C10orf90: variants seen among roughly 807,000 people sequenced by gnomAD.
C10orf90 encodes chromosome 10 open reading frame 90, also known as (E2-independent) E3 ubiquitin-conjugating enzyme FATS.
A neutral mutation model predicts 62.5 loss-of-function variants in C10orf90; 56 were observed. The ratio of observed to expected loss-of-function variants is 0.90; its 90% CI spans 0.72 to 1.12. C10orf90 has a LOEUF of 1.12. C10orf90 is among the 50% of genes most tolerant of loss of function. C10orf90 has a pLI of 0.00. For missense variants in C10orf90, 970 were observed against 880.4 expected, an observed-to-expected ratio of 1.10 and a Z score of -1.29; for synonymous variants, 386 against 340.4, an observed-to-expected ratio of 1.13 and a Z score of -1.47.
At chr10:126,454,317 C>T (rs925108038) in intron 7 of C10orf90, among the ~76,000 whole-genome samples, 1 of 151,782 alleles carries the variant, frequency 6.6e-6, no homozygotes, top group African/African-American at 2.4e-5. Flanking sequence ...GAGTTGCACC[C>T]CTACTGCCTT....
chr10:126,632,135 C>T (rs567935049), intron 2 of C10orf90, among the ~76,000 whole-genome samples: 23 of 152,212 alleles, frequency 1.5e-4, no homozygotes, highest in African/African-American at 3.9e-4. Flanking sequence ...TCATAAGTGA[C>T]GGTAAGTTTC....
At chr10:126,475,565 ATAC>A (rs1294722305) in intron 4 of C10orf90, among the ~76,000 whole-genome samples, 3 of 152,228 alleles carry the variant, frequency 2.0e-5, no homozygotes, top group African/African-American at 7.2e-5. Context: ...ATTTGAACAT[ATAC>A]TACATTTTCC....
intron 4 of C10orf90, among the ~76,000 whole-genome samples, chr10:126,494,195 G>A (rs1338604659): frequency 6.6e-6 from 1 of 152,194 alleles, no homozygotes; most frequent in Non-Finnish European, 1.5e-5. Context: ...CCGTTCATCT[G>A]CTGAATATAC....
intron 1 of C10orf90, among the ~76,000 whole-genome samples, chr10:126,655,238 A>T (rs1172012993): frequency 2.6e-5 from 4 of 152,124 alleles, no homozygotes; most frequent in Admixed American, 2.0e-4. Flanking sequence ...GAATCGCTTG[A>T]ACCCAGGAGG....
intron 2 of C10orf90, among the ~76,000 whole-genome samples, chr10:126,552,290 G>A (rs1360655858): frequency 6.6e-6 from 1 of 152,204 alleles, no homozygotes. Flanking sequence ...GAACAGAACA[G>A]CTTGCCTTTG....
intron 3 of C10orf90, 73 bp downstream of exon 3, chr10:126,513,775 A>C: frequency 1.1e-6 from 1 of 917,550 alleles, no homozygotes; most frequent in Admixed American, 1.9e-5. Context: ...TCACATCACA[A>C]GTAGGTCAGT....
chr10:126,629,700 T>G (rs1037834368), intron 2 of C10orf90, among the ~76,000 whole-genome samples: 16 of 152,244 alleles, frequency 1.1e-4, no homozygotes, highest in African/African-American at 3.6e-4. Context: ...GAAAATAGGC[T>G]TATAAATAAT....
intron 4 of C10orf90, among the ~76,000 whole-genome samples, chr10:126,466,373 C>A (rs201795457): frequency 0.022 from 986 of 45,832 alleles, 15 homozygotes; most frequent in African/African-American, 0.14. Context: ...CACACACAAA[C>A]ACACACACAC....
intron 2 of C10orf90, among the ~76,000 whole-genome samples, chr10:126,518,037 T>A (rs1176954358): frequency 7.0e-6 from 1 of 143,102 alleles, no homozygotes. Flanking sequence ...CCCTTCCTTA[T>A]CAGGTTTCCC....
chr10:126,585,224 G>T (rs1458938653), intron 2 of C10orf90, among the ~76,000 whole-genome samples: 2 of 150,904 alleles, frequency 1.3e-5, no homozygotes, highest in Non-Finnish European at 2.9e-5. Flanking sequence ...GAAAAAAATG[G>T]AAGGAAGTTA....
intron 7 of C10orf90, among the ~76,000 whole-genome samples, chr10:126,436,327 CA>C (rs1214945514): frequency 1.3e-5 from 2 of 152,118 alleles, no homozygotes; most frequent in African/African-American, 4.8e-5. Context: ...AATTTGAAGG[CA>C]AATCAGCTGA....
At chr10:126,563,900 G>A (rs775354422) in intron 2 of C10orf90, among the ~76,000 whole-genome samples, 12 of 152,138 alleles carry the variant, frequency 7.9e-5, no homozygotes, top group African/African-American at 1.4e-4. Flanking sequence ...CCATGACCAC[G>A]GAAGCTGAGA....
chr10:126,579,295 CAG>C (rs1844696300), intron 2 of C10orf90, among the ~76,000 whole-genome samples: 1 of 145,184 alleles, frequency 6.9e-6, no homozygotes, highest in Non-Finnish European at 1.5e-5. Context: ...TTTTTTGAGA[CAG>C]AGTCTCACTC....
intron 4 of C10orf90, among the ~76,000 whole-genome samples, chr10:126,490,304 T>G: frequency 6.6e-6 from 1 of 151,516 alleles, no homozygotes; most frequent in East Asian, 1.9e-4. Flanking sequence ...TTCACTTATA[T>G]GACATACCTA....
At chr10:126,569,212 A>C (rs746079804) in intron 2 of C10orf90, among the ~76,000 whole-genome samples, 7 of 152,134 alleles carry the variant, frequency 4.6e-5, no homozygotes, top group Non-Finnish European at 8.8e-5. Flanking sequence ...CCACTTTGAG[A>C]AGGAACTGGT....
At chr10:126,581,762 A>C (rs1024175498) in intron 2 of C10orf90, among the ~76,000 whole-genome samples, 2 of 152,130 alleles carry the variant, frequency 1.3e-5, no homozygotes, top group Non-Finnish European at 2.9e-5. Context: ...ACACTCTAAG[A>C]ACAGAAAAAA....
intron 7 of C10orf90, among the ~76,000 whole-genome samples, chr10:126,452,478 C>A (rs1859264215): frequency 6.6e-6 from 1 of 152,108 alleles, no homozygotes; most frequent in South Asian, 2.1e-4. Flanking sequence ...GGTGTCACTG[C>A]AAGGTTTATT....
At chr10:126,441,284 A>C (rs1165267362) in intron 7 of C10orf90, among the ~76,000 whole-genome samples, 7 of 152,182 alleles carry the variant, frequency 4.6e-5, no homozygotes, top group Non-Finnish European at 7.3e-5. Flanking sequence ...AGAAGAAAGA[A>C]ATTCAGAGCT....
At chr10:126,602,525 G>T (rs1226183750) in intron 2 of C10orf90, among the ~76,000 whole-genome samples, 9 of 152,114 alleles carry the variant, frequency 5.9e-5, no homozygotes. Context: ...TTCCCTGGTG[G>T]GCACACAGCC....
Sources: gnomAD v4.1 joint callset for allele counts (sites outside exome capture counted in the v4.1 genomes callset) on GRCh38, gnomAD v4.1.1 for gene constraint, MANE v1.5 for transcripts, NCBI Gene and HGNC (gene_info 2026-07-23, HGNC 2026-07-21) for gene names.